ITGA9: variants seen among roughly 807,000 people sequenced by gnomAD.
ITGA9 encodes the protein integrin subunit alpha 9.
ITGA9 carries 56 observed loss-of-function variants against 127.8 expected under a neutral mutation model. That is an observed-to-expected ratio of 0.44 (90% CI 0.35 to 0.55). The LOEUF is 0.55. Among genes scored for constraint, ITGA9 ranks in the 20% least tolerant of loss-of-function variants. The probability of loss-of-function intolerance (pLI) is 0.00; values close to 1 mark genes in which losing one functional copy is unlikely to be tolerated. For synonymous variants in ITGA9, 508 were observed against 514.5 expected (o/e 0.99, Z 0.17); for missense variants, 1,196 against 1,347.1 (o/e 0.89, Z 1.76).
intron 9 of ITGA9, 44 bp downstream of exon 9, chr3:37,513,944 G>T (rs757747542): frequency 6.2e-7 from 1 of 1,611,226 alleles, no homozygotes. Flanking sequence ...GTGGGGGAGG[G>T]ACATTTGTCC....
chr3:37,718,862 T>TCCA (rs1365625904), intron 18 of ITGA9, among the ~76,000 whole-genome samples: 1 of 152,162 alleles, frequency 6.6e-6, no homozygotes, highest in African/African-American at 2.4e-5. Context: ...TCGTCACCTT[T>TCCA]CCAGCACTGT....
At chr3:37,507,670 C>T (rs1298888904) in intron 7 of ITGA9, among the ~76,000 whole-genome samples, 1 of 152,154 alleles carries the variant, frequency 6.6e-6, no homozygotes, top group Non-Finnish European at 1.5e-5. Flanking sequence ...CATGGGGAAA[C>T]TGGTCATAGT....
chr3:37,741,963 G>C, intron 21 of ITGA9, 144 bp downstream of exon 21: 1 of 719,896 alleles, frequency 1.4e-6, no homozygotes, highest in South Asian at 1.5e-5. Context: ...GCAGGATGAA[G>C]CTTTAGCTGC....
intron 18 of ITGA9, among the ~76,000 whole-genome samples, chr3:37,700,923 C>A (rs1481747417): frequency 6.6e-6 from 1 of 152,116 alleles, no homozygotes; most frequent in East Asian, 1.9e-4. Context: ...AAAGGGAAAC[C>A]ATCAGGAATC....
chr3:37,471,028 G>A lies in ITGA9; in HGVS notation c.207G>A (p.Lys69=). 3 of 1,614,110 alleles carry A rather than the reference G, an allele frequency of 1.9e-6. No homozygotes were observed. The highest frequency in any genetic ancestry group is 2.5e-6 in the Non-Finnish European group (3 of 1,180,014). Residue 69 remains lysine (K), a synonymous_variant, in exon 2 of 28, where the codon AAG becomes AAA. Coordinates refer to ENST00000264741, the MANE Select transcript of ITGA9 (RefSeq NM_002207.3). The part of the protein sequence containing the change: ...NTRWVLVGAP[K]ADSKYSPSVK... The stretch of plus-strand genomic sequence containing the variant: ...GCAGGGTCCTTGTGGGCGCACCAAA[G>A]GCAGATTCCAAATACAGCCCTTCAG...
chr3:37,485,469 G>A (rs60143673), intron 4 of ITGA9, among the ~76,000 whole-genome samples: 332 of 152,180 alleles, frequency 2.2e-3, no homozygotes, highest in East Asian at 0.011. Context: ...GGGAGTCGAT[G>A]CTGTGATGCC....
At chr3:37,599,771 G>A (rs4678570) in intron 15 of ITGA9, among the ~76,000 whole-genome samples, 75,543 of 152,044 alleles carry the variant, frequency 0.5, 19,671 homozygotes, top group East Asian at 0.6. Context: ...AAATGCACAT[G>A]TACCTAATGC....
At chr3:37,625,997 C>A (rs1188015305) in intron 15 of ITGA9, among the ~76,000 whole-genome samples, 1 of 152,020 alleles carries the variant, frequency 6.6e-6, no homozygotes, top group African/African-American at 2.4e-5. Context: ...AGCATTCGCA[C>A]CCCTACATGT....
chr3:37,479,452 G>A (rs1293680547), intron 3 of ITGA9, among the ~76,000 whole-genome samples: 1 of 152,262 alleles, frequency 6.6e-6, no homozygotes, highest in African/African-American at 2.4e-5. Context: ...CCATTGGGCA[G>A]AGAGTGGCCT....
At chr3:37,595,121 T>A (rs1235704703) in intron 15 of ITGA9, among the ~76,000 whole-genome samples, 1 of 152,108 alleles carries the variant, frequency 6.6e-6, no homozygotes, top group Admixed American at 6.5e-5. Context: ...TTTTTTGACT[T>A]TGAGACAGGA....
At chr3:37,533,283 G>A (rs1178411054) in intron 13 of ITGA9, 31 bp from the exon 14 acceptor site, 7 of 1,612,182 alleles carry the variant, frequency 4.3e-6, no homozygotes, top group African/African-American at 2.7e-5. Context: ...TCCTTACCAC[G>A]ACTAAGTCAC....
At chr3:37,779,364 C>T (rs1226488915) in intron 24 of ITGA9, among the ~76,000 whole-genome samples, 2 of 152,264 alleles carry the variant, frequency 1.3e-5, no homozygotes, top group East Asian at 3.9e-4. Context: ...CTCAGCCTCC[C>T]GAAGTGCTGG....
intron 18 of ITGA9, among the ~76,000 whole-genome samples, chr3:37,684,458 T>C (rs949738205): frequency 6.6e-6 from 1 of 152,188 alleles, no homozygotes; most frequent in Admixed American, 6.5e-5. Flanking sequence ...GTCACTGCTT[T>C]GGCCTGTGCT....
At chr3:37,690,227 A>T (rs1700818397) in intron 18 of ITGA9, among the ~76,000 whole-genome samples, 1 of 152,140 alleles carries the variant, frequency 6.6e-6, no homozygotes, top group Non-Finnish European at 1.5e-5. Context: ...AGCAGGGATG[A>T]GAGGGTAGAA....
chr3:37,473,719 G>T (rs1698461647), intron 3 of ITGA9, among the ~76,000 whole-genome samples: 1 of 143,984 alleles, frequency 6.9e-6, no homozygotes, highest in African/African-American at 2.4e-5. Flanking sequence ...TCATTACATA[G>T]GTATTTGTGT....
chr3:37,542,152 G>T lies in ITGA9; in HGVS notation c.1529-273G>T, dbSNP rs73828415. 2.0e-3 allele frequency among the ~76,000 whole-genome samples: 311 copies of T among 152,288 alleles called. 2 individuals carry two copies. The highest frequency in any genetic ancestry group is 7.0e-3 in the African/African-American group (289 of 41,560). On this transcript the variant is annotated intron_variant, in intron 14 of 27. Coordinates refer to ENST00000264741, the MANE Select transcript of ITGA9 (RefSeq NM_002207.3). ...ATTGCTGGCTCAGTTGATACCTCAT[G>T]ATGGCATGAGGTTTAAATCAGGGAG... is the stretch of plus-strand genomic sequence containing the variant.
rs188373397 is a variant in ITGA9, at chr3:37,656,333, T to G, written c.1916+2543T>G. On this transcript the variant is annotated intron_variant, in intron 17 of 27. Transcript: ENST00000264741. ...ATTCTTTGTTTCCATGAGCACAGAC[T>G]GTTTTTTCATTTGTTTGTGTCCTCC... Among the ~76,000 whole-genome samples, 465 of 152,330 alleles carry G rather than the reference T, an allele frequency of 3.1e-3. 4 individuals carry two copies. Among genetic ancestry groups the G allele is most frequent in the Middle Eastern group, 0.01 (3 of 294 alleles).
intron 15 of ITGA9, among the ~76,000 whole-genome samples, chr3:37,553,745 T>C (rs1433623789): frequency 2.0e-5 from 3 of 152,154 alleles, no homozygotes; most frequent in Non-Finnish European, 4.4e-5. Flanking sequence ...AGGTGATCAT[T>C]TGGGTCATTA....
intron 17 of ITGA9, 114 bp from the exon 18 acceptor site, chr3:37,683,750 TG>T: frequency 9.4e-7 from 1 of 1,062,214 alleles, no homozygotes; most frequent in Non-Finnish European, 1.4e-6. Context: ...ATGGGGCTCC[TG>T]GAACTTGTAG....
Sources: allele counts gnomAD v4.1 joint callset (sites outside exome capture counted in the v4.1 genomes callset), GRCh38; gene constraint gnomAD v4.1.1; transcripts MANE v1.5; gene names NCBI Gene and HGNC (gene_info 2026-07-23, HGNC 2026-07-21).